The following PCDH15 variants were observed in gnomAD, a reference collection of about 807,000 sequenced individuals.
PCDH15 encodes the protein protocadherin related 15.
Under a neutral mutation model 178.5 loss-of-function variants are expected in PCDH15, and 129 were observed. The observed-to-expected ratio is 0.72, with a 90% confidence interval of 0.63 to 0.84. The LOEUF is 0.84. Ranked by LOEUF, PCDH15 falls within the 40% of genes least tolerant of loss-of-function variation. The pLI, the probability that PCDH15 is intolerant of heterozygous loss-of-function variation, is 0.00. For missense variants in PCDH15, 2,230 were observed against 2,099.9 expected, an observed-to-expected ratio of 1.06 and a Z score of -1.21; for synonymous variants, 800 against 732.0, an observed-to-expected ratio of 1.09 and a Z score of -1.50.
At chr10:54,003,045 G>A (rs1341857777) in intron 20 of PCDH15, among the ~76,000 whole-genome samples, 3 of 152,116 alleles carry the variant, frequency 2.0e-5, no homozygotes. Context: ...TTCGAAGTTA[G>A]CAAGACCACG....
intron 3 of PCDH15, among the ~76,000 whole-genome samples, chr10:54,511,654 T>C (rs2081676749): frequency 6.6e-6 from 1 of 152,176 alleles, no homozygotes; most frequent in Non-Finnish European, 1.5e-5. Flanking sequence ...AAATAGTCTT[T>C]GAACTCCTGG....
chr10:54,475,274 T>G (rs2078199491), intron 3 of PCDH15, among the ~76,000 whole-genome samples: 1 of 152,018 alleles, frequency 6.6e-6, no homozygotes, highest in Non-Finnish European at 1.5e-5. Flanking sequence ...AAAATAATTA[T>G]AATATTCAAC....
At chr10:54,812,036 T>A (rs1039665157) in intron 3 of PCDH15, among the ~76,000 whole-genome samples, 13 of 152,062 alleles carry the variant, frequency 8.5e-5, no homozygotes, top group African/African-American at 3.1e-4. Context: ...AATAAGTGCA[T>A]CTCCATAATT....
chr10:54,567,729 T>C (rs2089249695), intron 2 of PCDH15, among the ~76,000 whole-genome samples: 1 of 152,146 alleles, frequency 6.6e-6, no homozygotes, highest in Non-Finnish European at 1.5e-5. Flanking sequence ...TTTTATAATT[T>C]ACCTATAAAT....
At chr10:54,398,021 C>T (rs1951462374) in intron 3 of PCDH15, among the ~76,000 whole-genome samples, 1 of 151,850 alleles carries the variant, frequency 6.6e-6, no homozygotes, top group Admixed American at 6.6e-5. Context: ...GTTATTACTT[C>T]AATTATCTTA....
chr10:54,114,514 G>T (rs575083259), intron 15 of PCDH15, among the ~76,000 whole-genome samples: 1 of 151,706 alleles, frequency 6.6e-6, no homozygotes, highest in Admixed American at 6.6e-5. Context: ...AGTTACTAGG[G>T]ATATAATAGC....
At chr10:55,350,227 T>TAATATA in intron 2 of PCDH15, among the ~76,000 whole-genome samples, 1 of 46,958 alleles carries the variant, frequency 2.1e-5, no homozygotes. Context: ...ATATATAAAC[T>TAATATA]CATATATATA....
intron 1 of PCDH15, among the ~76,000 whole-genome samples, chr10:54,708,238 A>C (rs2095387447): frequency 6.6e-6 from 1 of 152,192 alleles, no homozygotes. Context: ...GAAGTGGAAT[A>C]AGGCCAGTTT....
chr10:54,450,274 T>C (rs188836149), intron 3 of PCDH15, among the ~76,000 whole-genome samples: 40 of 151,282 alleles, frequency 2.6e-4, no homozygotes, highest in African/African-American at 9.7e-4. Context: ...CTTTTTCTAC[T>C]GAAAATATTT....
At chr10:54,928,566 A>G (rs574645953) in intron 2 of PCDH15, among the ~76,000 whole-genome samples, 1 of 152,108 alleles carries the variant, frequency 6.6e-6, no homozygotes, top group African/African-American at 2.4e-5. Context: ...CATCTCTTTC[A>G]GGGACACCAA....
chr10:54,950,043 T>A (rs1179776040), intron 2 of PCDH15, among the ~76,000 whole-genome samples: 1 of 152,034 alleles, frequency 6.6e-6, no homozygotes, highest in African/African-American at 2.4e-5. Flanking sequence ...CAAAGTTGCT[T>A]CCACATTTTT....
chr10:54,934,533 C>T (rs1837857410), intron 2 of PCDH15, among the ~76,000 whole-genome samples: 1 of 151,886 alleles, frequency 6.6e-6, no homozygotes, highest in South Asian at 2.1e-4. Flanking sequence ...AATGAGATAC[C>T]ATCTCACACC....
At chr10:54,147,893 G>T (rs1481098340) in intron 14 of PCDH15, among the ~76,000 whole-genome samples, 1 of 151,960 alleles carries the variant, frequency 6.6e-6, no homozygotes, top group Non-Finnish European at 1.5e-5. Context: ...TCAAGTTATG[G>T]TCCTACTACT....
chr10:55,055,190 A>G (rs535224491), intron 2 of PCDH15, among the ~76,000 whole-genome samples: 1 of 152,242 alleles, frequency 6.6e-6, no homozygotes, highest in East Asian at 1.9e-4. Context: ...ATTTTTGTAT[A>G]TGGTGTACGA....
At chr10:53,876,178 GTTTT>G (rs11342869) in intron 26 of PCDH15, among the ~76,000 whole-genome samples, 1 of 134,120 alleles carries the variant, frequency 7.5e-6, no homozygotes. Context: ...CTTGAGTCTT[GTTTT>G]TTTTTTTGTT....
At chr10:54,771,142 TA>T (rs902059090) in intron 1 of PCDH15, among the ~76,000 whole-genome samples, 51 of 152,118 alleles carry the variant, frequency 3.4e-4, no homozygotes, top group Admixed American at 3.3e-3. Context: ...TGCCTGAGAA[TA>T]ATTTAACCTT....
intron 2 of PCDH15, among the ~76,000 whole-genome samples, chr10:55,112,378 G>A (rs1480876253): frequency 6.6e-6 from 1 of 152,098 alleles, no homozygotes; most frequent in Non-Finnish European, 1.5e-5. Context: ...CCATAAGAGG[G>A]CCCTCACTGA....
intron 8 of PCDH15, among the ~76,000 whole-genome samples, chr10:54,305,969 A>G (rs1361348792): frequency 6.6e-6 from 1 of 152,034 alleles, no homozygotes; most frequent in East Asian, 1.9e-4. Flanking sequence ...AAGATAGTGT[A>G]GGACCTTACA....
chr10:54,023,128 G>T lies in PCDH15; in HGVS notation c.2290C>A (p.Arg764Ser). The T allele has an allele frequency of 6.2e-7, 1 of 1,613,762 alleles. No individual in the cohort carries two copies. The highest frequency in any genetic ancestry group is 8.5e-7 in the Non-Finnish European group (1 of 1,179,852). Residue 764 changes from arginine to serine, a missense_variant, in exon 19 of 38, where the codon CGT (arginine) becomes AGT (serine). Coordinates refer to ENST00000644397, the MANE Select transcript of PCDH15 (RefSeq NM_001384140.1). ...YSLGNFNNLF[R>S]ITSNGSIYTA... ...TAAATGCTCCCATTGGATGTGATAC[G>T]AAAAAGATTATTAAAGTTACCCAAA...
Sources: gnomAD v4.1 joint callset for allele counts (sites outside exome capture counted in the v4.1 genomes callset) on GRCh38, gnomAD v4.1.1 for gene constraint, MANE v1.5 for transcripts, NCBI Gene and HGNC (gene_info 2026-07-23, HGNC 2026-07-21) for gene names.